The following XKR4 variants were observed in gnomAD, a reference collection of about 807,000 sequenced individuals.
XKR4 encodes the protein XK related 4, also known as XK-related protein 4.
Under a neutral mutation model 53.9 loss-of-function variants are expected in XKR4, and 12 were observed. The observed-to-expected ratio is 0.22, with a 90% CI of 0.14 to 0.36. The LOEUF (loss-of-function observed/expected upper bound fraction) is 0.36. Among genes scored for constraint, XKR4 ranks in the 10% least tolerant of loss-of-function variants. The pLI, the probability that XKR4 is intolerant of heterozygous loss-of-function variation, is 1.00. For synonymous variants in XKR4, 354 were observed against 362.4 expected, an observed-to-expected ratio of 0.98 and a Z score of 0.26; for missense variants, 799 against 859.5, an observed-to-expected ratio of 0.93 and a Z score of 0.88.
At chr8:55,148,059 C>T (rs2129355200) in intron 1 of XKR4, among the ~76,000 whole-genome samples, 1 of 152,226 alleles carries the variant, frequency 6.6e-6, no homozygotes, top group African/African-American at 2.4e-5. Context: ...ATTACAAGTG[C>T]ACTGGTCCAT....
chr8:55,517,295 G>GT (rs33984126), intron 2 of XKR4: 133,710 of 150,376 alleles, frequency 0.89, 59,488 homozygotes, highest in East Asian at 0.99. Context: ...AAAAATTAAA[G>GT]TTTTTTTTTA....
rs974190572 is a variant in XKR4, at chr8:55,233,973, T to C, written c.807-123705T>C. On this transcript the variant is annotated intron_variant, in intron 1 of 2. Transcript: ENST00000327381. Reference sequence around the variant, plus strand: ...TCCTAAATAGGAACCCCAGAATACATGTGTCAGAGCCAGAAGGAGCTCATG... The same window carrying C: ...TCCTAAATAGGAACCCCAGAATACACGTGTCAGAGCCAGAAGGAGCTCATG... Among the ~76,000 whole-genome samples, 8 of 152,298 alleles carry C rather than the reference T, an allele frequency of 5.3e-5. No individual in the cohort carries two copies. In the East Asian group the frequency reaches 1.3e-3, roughly 26 times the overall value.
At position 55,409,368 on chromosome 8, in the gene XKR4, A is replaced by G. The variant is rs765258286; in HGVS notation, c.1006+51491A>G. On this transcript the variant is annotated intron_variant, in intron 2 of 2. Coordinates refer to ENST00000327381, the MANE Select transcript of XKR4 (RefSeq NM_052898.2). ...TCAACTGTGGGAGCTGTGGGCTTTT[A>G]TAAGGACATCCAGACATTTCTGACC... Among the ~76,000 whole-genome samples, 4 of 152,332 alleles carry G rather than the reference A, an allele frequency of 2.6e-5. No homozygotes were observed. The South Asian group carries it at 6.2e-4, about 24-fold the overall frequency.
rs79366791 is a variant in XKR4 at position 55,142,105 on chromosome 8, C to A, written c.806+38811C>A. The A allele has an allele frequency of 3.3e-3, 1,514 of 456,088 alleles. 17 individuals carry two copies. Among genetic ancestry groups the A allele is most frequent in the African/African-American group, 0.028 (1,416 of 50,190 alleles). 28.3% of individuals were successfully genotyped at this position (456,088 alleles called of 1,614,324 possible). On this transcript the variant is annotated intron_variant, in intron 1 of 2. Transcript: ENST00000327381. ...TTTCTGGGCTGCTGGGGAGTCTTAA[C>A]TATTCTCTCCTCCCTACCTCCATTC...
At chr8:55,202,000 G>T (rs1817582068) in intron 1 of XKR4, among the ~76,000 whole-genome samples, 1 of 152,184 alleles carries the variant, frequency 6.6e-6, no homozygotes, top group Non-Finnish European at 1.5e-5. Context: ...TTACAAAATG[G>T]AGGCCATGAT....
chr8:55,486,268 G>C (rs1391197067), intron 2 of XKR4, among the ~76,000 whole-genome samples: 1 of 152,192 alleles, frequency 6.6e-6, no homozygotes, highest in African/African-American at 2.4e-5. Context: ...CTTTTGACCA[G>C]ATCTATCAAA....
chr8:55,355,084 A>T (rs1010328338), intron 1 of XKR4, among the ~76,000 whole-genome samples: 6 of 151,828 alleles, frequency 4.0e-5, no homozygotes, highest in Non-Finnish European at 8.8e-5. Flanking sequence ...TTGTATTTTT[A>T]GTAGAGAGGG....
At position 55,532,196 on chromosome 8, in the gene XKR4, G is replaced by A. The variant is rs1025515937; in HGVS notation, c.*7969G>A. ...TACAGAATAATTCAAGTTCCTTAGCGAGTCACATTATGCATTAATAAAAGA... is the reference window on the plus strand; with the variant it reads ...TACAGAATAATTCAAGTTCCTTAGCAAGTCACATTATGCATTAATAAAAGA... On this transcript the variant is annotated 3_prime_UTR_variant, in exon 3 of 3. Transcript: ENST00000327381. The A allele has an allele frequency of 2.0e-5, 3 of 152,130 alleles. No individual in the cohort carries two copies. The highest frequency in any genetic ancestry group is 4.8e-5 in the African/African-American group (2 of 41,422). The allele number at this position is 152,130 out of a possible 1,614,324, so 9.4% of individuals were successfully genotyped here.
chr8:55,465,082 G>A (rs963246941), intron 2 of XKR4, among the ~76,000 whole-genome samples: 6 of 152,150 alleles, frequency 3.9e-5, no homozygotes, highest in African/African-American at 9.6e-5. Flanking sequence ...TATAGTTTCA[G>A]TGCCATCCCC....
At chr8:55,278,501 C>T (rs1237182564) in intron 1 of XKR4, among the ~76,000 whole-genome samples, 1 of 151,938 alleles carries the variant, frequency 6.6e-6, no homozygotes. Context: ...TCTTGGGTGT[C>T]GTTGTAATTT....
At chr8:55,186,786 C>T (rs891709385) in intron 1 of XKR4, among the ~76,000 whole-genome samples, 1 of 151,912 alleles carries the variant, frequency 6.6e-6, no homozygotes, top group Non-Finnish European at 1.5e-5. Context: ...ATAATATATC[C>T]TGTTTTTCTT....
At chr8:55,390,567 G>C (rs1012682382) in intron 2 of XKR4, among the ~76,000 whole-genome samples, 1 of 152,278 alleles carries the variant, frequency 6.6e-6, no homozygotes, top group African/African-American at 2.4e-5. Flanking sequence ...AGCTGTATTT[G>C]CCTAAGTTTA....
At chr8:55,140,894 T>G (rs1308754728) in intron 1 of XKR4, among the ~76,000 whole-genome samples, 2 of 152,244 alleles carry the variant, frequency 1.3e-5, no homozygotes, top group African/African-American at 4.8e-5. Flanking sequence ...ACCTTTCAGA[T>G]GAACTGTAGA....
At chr8:55,215,045 T>A (rs6473976) in intron 1 of XKR4, among the ~76,000 whole-genome samples, 1 of 151,678 alleles carries the variant, frequency 6.6e-6, no homozygotes, top group Non-Finnish European at 1.5e-5. Context: ...TCATTTGCCT[T>A]TTAAACTTAC....
At chr8:55,215,252 A>G (rs565110273) in intron 1 of XKR4, among the ~76,000 whole-genome samples, 16 of 152,354 alleles carry the variant, frequency 1.1e-4, no homozygotes, top group Non-Finnish European at 1.9e-4. Flanking sequence ...AAACATGTAT[A>G]GGTTGTATGC....
At chr8:55,298,754 G>A (rs1159201293) in intron 1 of XKR4, among the ~76,000 whole-genome samples, 1 of 152,094 alleles carries the variant, frequency 6.6e-6, no homozygotes, top group African/African-American at 2.4e-5. Flanking sequence ...CTGTGTGCAT[G>A]CACACACATG....
chr8:55,149,344 A>T (rs1246862981), intron 1 of XKR4, among the ~76,000 whole-genome samples: 1 of 152,142 alleles, frequency 6.6e-6, no homozygotes, highest in Non-Finnish European at 1.5e-5. Flanking sequence ...AAAATATAAT[A>T]CTAGAGCTGC....
intron 1 of XKR4, among the ~76,000 whole-genome samples, chr8:55,142,917 GC>G (rs1418745418): frequency 6.6e-6 from 1 of 152,110 alleles, no homozygotes; most frequent in African/African-American, 2.4e-5. Context: ...CCCCTTTGAT[GC>G]CCCTGCTAGG....
At chr8:55,145,039 C>T (rs562586751) in intron 1 of XKR4, among the ~76,000 whole-genome samples, 18 of 152,050 alleles carry the variant, frequency 1.2e-4, no homozygotes, top group African/African-American at 4.1e-4. Context: ...ATCATGTTGG[C>T]CAAGCTGGTC....
Sources: gnomAD v4.1 joint callset for allele counts (sites outside exome capture counted in the v4.1 genomes callset) on GRCh38, gnomAD v4.1.1 for gene constraint, MANE v1.5 for transcripts, NCBI Gene and HGNC (gene_info 2026-07-23, HGNC 2026-07-21) for gene names.